Variants in KIAA1217 observed in about 807,000 individuals in gnomAD.
KIAA1217 encodes sickle tail protein homolog.
Under a neutral mutation model 163.9 loss-of-function variants are expected in KIAA1217, and 88 were observed. That is an observed-to-expected ratio of 0.54 (90% CI 0.45 to 0.64). The LOEUF is 0.64. KIAA1217 is among the 30% of genes least tolerant of loss of function. The probability of loss-of-function intolerance (pLI) is 0.00; values close to 1 mark genes in which losing one functional copy is unlikely to be tolerated. For synonymous variants in KIAA1217, 903 were observed against 923.1 expected (o/e 0.98, Z 0.39); for missense variants, 2,372 against 2,475.0 (o/e 0.96, Z 0.88).
intron 3 of KIAA1217, among the ~76,000 whole-genome samples, chr10:24,428,740 C>T (rs907041161): frequency 8.6e-5 from 13 of 151,502 alleles, no homozygotes; most frequent in African/African-American, 3.1e-4. Context: ...AAAAAAAATC[C>T]CTTAGCCCCA....
At chr10:23,732,096 T>C (rs7895544) in intron 1 of KIAA1217, among the ~76,000 whole-genome samples, 1,739 of 152,150 alleles carry the variant, frequency 0.011, 26 homozygotes, top group African/African-American at 0.036. Context: ...ATAATATTGG[T>C]CTCATAGAAT....
chr10:24,506,424 A>G (rs2068370388), intron 9 of KIAA1217, among the ~76,000 whole-genome samples: 1 of 152,208 alleles, frequency 6.6e-6, no homozygotes, highest in South Asian at 2.1e-4. Flanking sequence ...GGCATTTGCT[A>G]GTTTCTCCAT....
At position 24,126,909 on chromosome 10, in the gene KIAA1217, A is replaced by T. The variant is rs181346200; in HGVS notation, c.-170-92717A>T. On this transcript the variant is annotated intron_variant, in intron 2 of 18. Coordinates refer to the KIAA1217 transcript ENST00000376462. ...TTAATGCAGATCAATATCAGTTTGT[A>T]TCTTACCACACTGCTCTTAGGTCTC... Among the ~76,000 whole-genome samples, 252 of 152,202 alleles carry T rather than the reference A, an allele frequency of 1.7e-3. 1 individual carries two copies. The highest frequency in any genetic ancestry group is 5.4e-3 in the African/African-American group (226 of 41,540).
chr10:24,048,063 C>T (rs755995034), intron 2 of KIAA1217, among the ~76,000 whole-genome samples: 2 of 152,144 alleles, frequency 1.3e-5, no homozygotes, highest in Non-Finnish European at 2.9e-5. Flanking sequence ...ATCTGACTGC[C>T]TTTAGGACCA....
intron 2 of KIAA1217, among the ~76,000 whole-genome samples, chr10:24,327,713 A>G (rs2045110612): frequency 6.6e-6 from 1 of 152,126 alleles, no homozygotes; most frequent in African/African-American, 2.4e-5. Context: ...TCTGGACTCA[A>G]GGGATCCTCT....
At chr10:24,402,516 C>CAAAAACA (rs2056667285) in intron 3 of KIAA1217, among the ~76,000 whole-genome samples, 2 of 93,002 alleles carry the variant, frequency 2.2e-5, no homozygotes, top group African/African-American at 4.3e-5. Flanking sequence ...CTCAAAAAAA[C>CAAAAACA]AAAAAACAAA....
chr10:24,324,347 G>T (rs1433698148), intron 2 of KIAA1217, among the ~76,000 whole-genome samples: 3 of 152,080 alleles, frequency 2.0e-5, no homozygotes, highest in African/African-American at 7.2e-5. Flanking sequence ...TGGGTGGATC[G>T]CTTGAGGTCA....
chr10:24,270,858 T>C (rs1236738413), intron 2 of KIAA1217, among the ~76,000 whole-genome samples: 1 of 152,240 alleles, frequency 6.6e-6, no homozygotes, highest in Non-Finnish European at 1.5e-5. Context: ...GATTTCTTTC[T>C]TTTGATGATA....
intron 1 of KIAA1217, among the ~76,000 whole-genome samples, chr10:23,815,327 A>G (rs1230068905): frequency 6.6e-6 from 1 of 152,190 alleles, no homozygotes; most frequent in Non-Finnish European, 1.5e-5. Context: ...TTGTTACTCT[A>G]CAGAAAGACA....
chr10:23,861,683 G>A (rs1248849804), intron 1 of KIAA1217, among the ~76,000 whole-genome samples: 6 of 152,310 alleles, frequency 3.9e-5, no homozygotes, highest in African/African-American at 1.2e-4. Flanking sequence ...CCAATAGGAC[G>A]AGGATGCAGG....
chr10:24,467,228 T>C (rs1274868273), intron 5 of KIAA1217, among the ~76,000 whole-genome samples: 1 of 152,242 alleles, frequency 6.6e-6, no homozygotes, highest in African/African-American at 2.4e-5. Flanking sequence ...TATTTTCTGG[T>C]GTTTCAGAAG....
At position 24,048,602 on chromosome 10, in the gene KIAA1217, C is replaced by T. The variant is rs565184508; in HGVS notation, c.-171+41228C>T. ...AAAATTAGCCAGGCGTGGTGGCAGC[C>T]GCCTGTAATCCCAGCTACCTGGGAG... On this transcript the variant is annotated intron_variant, in intron 2 of 18. Coordinates refer to the KIAA1217 transcript ENST00000376462. Among the ~76,000 whole-genome samples, 214 of 151,986 alleles carry T rather than the reference C, an allele frequency of 1.4e-3. 1 individual carries two copies. The highest frequency in any genetic ancestry group is 4.8e-3 in the African/African-American group (199 of 41,466).
chr10:23,777,986 A>G (rs1393729868), intron 1 of KIAA1217, among the ~76,000 whole-genome samples: 2 of 151,638 alleles, frequency 1.3e-5, no homozygotes, highest in African/African-American at 2.4e-5. Flanking sequence ...TCTGTCACCC[A>G]GGCTGGAGTG....
chr10:23,988,642 C>G (rs963157903), intron 1 of KIAA1217, among the ~76,000 whole-genome samples: 8 of 152,038 alleles, frequency 5.3e-5, no homozygotes, highest in Non-Finnish European at 8.8e-5. Context: ...TAATATAGGC[C>G]TCATTGTTAG....
intron 5 of KIAA1217, among the ~76,000 whole-genome samples, chr10:24,461,336 T>C (rs2062384460): frequency 6.6e-6 from 1 of 152,088 alleles, no homozygotes; most frequent in South Asian, 2.1e-4. Context: ...TTTTTTGTTT[T>C]TGTTTTTGTT....
At chr10:23,706,285 C>T (rs151044544) in intron 1 of KIAA1217, among the ~76,000 whole-genome samples, 8 of 152,158 alleles carry the variant, frequency 5.3e-5, no homozygotes, top group South Asian at 2.1e-4. Context: ...TAATTGTCCT[C>T]GCTAGGTCCT....
At chr10:24,406,701 T>C (rs1162556962) in intron 3 of KIAA1217, among the ~76,000 whole-genome samples, 1 of 152,200 alleles carries the variant, frequency 6.6e-6, no homozygotes. Flanking sequence ...ATAGAGAATA[T>C]ACCAGAAAAA....
At chr10:24,496,522 T>A (rs2066805918) in intron 8 of KIAA1217, among the ~76,000 whole-genome samples, 1 of 152,264 alleles carries the variant, frequency 6.6e-6, no homozygotes, top group Admixed American at 6.5e-5. Flanking sequence ...ATGTACGTGC[T>A]GTTTTGTATT....
chr10:23,884,711 T>C (rs1841097728), intron 1 of KIAA1217, among the ~76,000 whole-genome samples: 1 of 151,972 alleles, frequency 6.6e-6, no homozygotes, highest in Non-Finnish European at 1.5e-5. Flanking sequence ...TCCAGTTGCC[T>C]CTCTAATTAT....
Sources: gnomAD v4.1 joint callset for allele counts (sites outside exome capture counted in the v4.1 genomes callset) on GRCh38, gnomAD v4.1.1 for gene constraint, MANE v1.5 for transcripts, NCBI Gene and HGNC (gene_info 2026-07-23, HGNC 2026-07-21) for gene names.